TNIK: variants seen among roughly 807,000 people sequenced by gnomAD.
TNIK encodes TRAF2 and NCK-interacting protein kinase.
Under a neutral mutation model 191.3 loss-of-function variants are expected in TNIK, and 49 were observed. The ratio of observed to expected loss-of-function variants is 0.26; its 90% CI spans 0.20 to 0.32. The LOEUF is 0.32. Among genes scored for constraint, TNIK ranks in the 10% least tolerant of loss-of-function variants. The probability of loss-of-function intolerance (pLI) is 1.00; values close to 1 mark genes in which losing one functional copy is unlikely to be tolerated. For missense variants in TNIK, 1,155 were observed against 1,702.3 expected (o/e 0.68, Z 5.66); for synonymous variants, 594 against 600.9 (o/e 0.99, Z 0.17).
intron 2 of TNIK, among the ~76,000 whole-genome samples, chr3:171,313,438 G>A (rs563045698): frequency 6.6e-6 from 1 of 152,026 alleles, no homozygotes; most frequent in African/African-American, 2.4e-5. Context: ...TGGCAGAGAG[G>A]GCCCCAGAAA....
intron 18 of TNIK, among the ~76,000 whole-genome samples, chr3:171,122,932 G>C (rs1407797356): frequency 1.3e-5 from 2 of 152,188 alleles, no homozygotes; most frequent in African/African-American, 4.8e-5. Context: ...AGCTTCTTGA[G>C]ACCTCTACAC....
At chr3:171,104,981 C>CAAAG (rs1478770103) in intron 21 of TNIK, among the ~76,000 whole-genome samples, 1 of 146,918 alleles carries the variant, frequency 6.8e-6, no homozygotes, top group Non-Finnish European at 1.5e-5. Context: ...CATTTATTTT[C>CAAAG]AAAGACTATA....
chr3:171,081,314 A>T (rs1720640471), intron 27 of TNIK, among the ~76,000 whole-genome samples: 1 of 152,072 alleles, frequency 6.6e-6, no homozygotes, highest in Non-Finnish European at 1.5e-5. Flanking sequence ...AAATGGAAGT[A>T]CAGCTGAACT....
chr3:171,195,784 G>T (rs1263195122), intron 4 of TNIK, among the ~76,000 whole-genome samples: 1 of 152,142 alleles, frequency 6.6e-6, no homozygotes, highest in Non-Finnish European at 1.5e-5. Context: ...AGCCAAGGAA[G>T]TTTCAAGACC....
chr3:171,188,943 A>G (rs1004726919), intron 6 of TNIK, 111 bp from the exon 7 acceptor site: 3 of 1,336,546 alleles, frequency 2.2e-6, no homozygotes, highest in Non-Finnish European at 3.0e-6. Flanking sequence ...TAAAGTGTAC[A>G]ATTTTGACCA....
intron 27 of TNIK, among the ~76,000 whole-genome samples, chr3:171,080,270 G>T (rs1720501043): frequency 6.6e-6 from 1 of 152,162 alleles, no homozygotes; most frequent in African/African-American, 2.4e-5. Context: ...ATATTGAAGA[G>T]TACACAAGTA....
At chr3:171,096,018 G>GCTCTTCTTTCTTC (rs1553806946) in intron 22 of TNIK, among the ~76,000 whole-genome samples, 3 of 149,990 alleles carry the variant, frequency 2.0e-5, no homozygotes, top group Non-Finnish European at 1.5e-5. Context: ...TTTTTTTCTT[G>GCTCTTCTTTCTTC]CTCTTCTTTC....
intron 4 of TNIK, among the ~76,000 whole-genome samples, chr3:171,201,188 T>A (rs559874334): frequency 6.0e-4 from 92 of 152,166 alleles, no homozygotes; most frequent in African/African-American, 2.1e-3. Context: ...TCACCTGAGG[T>A]CAGGAGTTCA....
chr3:171,238,052 C>T (rs1744513409), intron 2 of TNIK, among the ~76,000 whole-genome samples: 1 of 152,176 alleles, frequency 6.6e-6, no homozygotes, highest in Admixed American at 6.5e-5. Flanking sequence ...GAAAATATCT[C>T]TCCCCCTCCA....
At chr3:171,445,099 A>G (rs1727318863) in intron 1 of TNIK, among the ~76,000 whole-genome samples, 1 of 152,064 alleles carries the variant, frequency 6.6e-6, no homozygotes, top group Admixed American at 6.6e-5. Flanking sequence ...TCTTAACGCA[A>G]AAGTTGCTGG....
chr3:171,433,280 T>A (rs570227345), intron 1 of TNIK, among the ~76,000 whole-genome samples: 1 of 152,208 alleles, frequency 6.6e-6, no homozygotes, highest in East Asian at 1.9e-4. Context: ...TGGTTTAAAT[T>A]CCTCCTTTAA....
chr3:171,103,896 GCTA>G (rs1260395379), intron 21 of TNIK, among the ~76,000 whole-genome samples: 2 of 151,968 alleles, frequency 1.3e-5, no homozygotes, highest in African/African-American at 4.8e-5. Context: ...TAGTCCACAG[GCTA>G]CTGATTTAAA....
At position 171,232,807 on chromosome 3, in the gene TNIK, A is replaced by C. The variant is rs112231221; in HGVS notation, c.124-4586T>G. Among the ~76,000 whole-genome samples the C allele has an allele frequency of 5.2e-3, 792 of 152,308 alleles. 6 individuals carry two copies. Among genetic ancestry groups the C allele is most frequent in the Admixed American group, 0.013 (192 of 15,298 alleles). On this transcript the variant is annotated intron_variant, in intron 2 of 32. Coordinates refer to ENST00000436636, the MANE Select transcript of TNIK (RefSeq NM_015028.4). Reference sequence around the variant, plus strand: ...ACTATGCTGATCCTTGTTCTATGTAAAATAATTCAACATCGAGGTGAAATC... The same window carrying C: ...ACTATGCTGATCCTTGTTCTATGTACAATAATTCAACATCGAGGTGAAATC...
At chr3:171,456,937 C>T (rs1728859282) in intron 1 of TNIK, among the ~76,000 whole-genome samples, 1 of 152,216 alleles carries the variant, frequency 6.6e-6, no homozygotes. Context: ...GTCCCCTCCC[C>T]TTGTTACTGT....
intron 2 of TNIK, among the ~76,000 whole-genome samples, chr3:171,300,862 G>A (rs539364817): frequency 2.0e-5 from 3 of 152,050 alleles, no homozygotes; most frequent in South Asian, 2.1e-4. Flanking sequence ...TTGAAGCTCC[G>A]TTTCCACTCT....
Position 171,085,371 on chromosome 3 carries a change from C to T in TNIK, c.2887-142G>A, listed in dbSNP as rs145683812. ...TCACATTCTAGTGCTCTAGTCAGTG[C>T]GTGCCTGTCTCCAGCTTCTTCTGGT... is the stretch of plus-strand genomic sequence containing the variant. On this transcript the variant is annotated intron_variant, in intron 24 of 32. Coordinates refer to ENST00000436636, the MANE Select transcript of TNIK (RefSeq NM_015028.4). 5.2e-4 allele frequency: 334 copies of T among 640,232 alleles called. 1 individual carries two copies. The African/African-American group carries it at 5.3e-3, about 10-fold the overall frequency. 39.7% of individuals were successfully genotyped at this position (640,232 alleles called of 1,614,324 possible).
intron 2 of TNIK, among the ~76,000 whole-genome samples, chr3:171,234,799 C>T (rs1376595350): frequency 6.6e-6 from 1 of 152,156 alleles, no homozygotes; most frequent in Non-Finnish European, 1.5e-5. Context: ...GAAAGACACG[C>T]ACAGCTGAAG....
At chr3:171,388,941 CAGTA>C (rs1234019502) in intron 1 of TNIK, among the ~76,000 whole-genome samples, 1 of 152,138 alleles carries the variant, frequency 6.6e-6, no homozygotes, top group Non-Finnish European at 1.5e-5. Flanking sequence ...TCAAAACTGA[CAGTA>C]AGTTCTCAGT....
chr3:171,111,025 G>A (rs79162324), intron 18 of TNIK, 148 bp from the exon 19 acceptor site: 714 of 758,022 alleles, frequency 9.4e-4, no homozygotes, highest in Non-Finnish European at 1.2e-3. Flanking sequence ...TTAAAAATGG[G>A]GAAAGGACCT....
Sources: gnomAD v4.1 joint callset for allele counts (sites outside exome capture counted in the v4.1 genomes callset) on GRCh38, gnomAD v4.1.1 for gene constraint, MANE v1.5 for transcripts, NCBI Gene and HGNC (gene_info 2026-07-23, HGNC 2026-07-21) for gene names.